FBN3: variants seen among roughly 807,000 people sequenced by gnomAD.
FBN3 encodes fibrillin-3.
Under a neutral mutation model 330.1 loss-of-function variants are expected in FBN3, and 234 were observed. That is an observed-to-expected ratio of 0.71 (90% CI 0.64 to 0.79). The LOEUF is 0.79. Among genes scored for constraint, FBN3 ranks in the 30% least tolerant of loss-of-function variants. The pLI, the probability that FBN3 is intolerant of heterozygous loss-of-function variation, is 0.00. For missense variants in FBN3, 3,606 were observed against 3,886.9 expected, an observed-to-expected ratio of 0.93 and a Z score of 1.92; for synonymous variants, 1,458 against 1,517.3, an observed-to-expected ratio of 0.96 and a Z score of 0.91.
At chr19:8,085,258 G>C (rs957842882) in intron 56 of FBN3, 105 bp downstream of exon 56, 14 of 629,170 alleles carry the variant, frequency 2.2e-5, no homozygotes, top group South Asian at 4.7e-5. Context: ...CACACACACA[G>C]TGTGGCTCAC....
intron 34 of FBN3, 121 bp downstream of exon 34, chr19:8,110,724 C>CAAGGTG: frequency 7.4e-7 from 1 of 1,354,434 alleles, no homozygotes. Context: ...CCCCCACCCC[C>CAAGGTG]CAGCAAGACT....
At chr19:8,138,062 C>T in intron 10 of FBN3, 79 bp downstream of exon 10, 7 of 1,448,278 alleles carry the variant, frequency 4.8e-6, no homozygotes, top group Non-Finnish European at 5.5e-6. Context: ...TGGACACCGT[C>T]CCCTGTTTGG....
At chr19:8,111,927 C>T in intron 31 of FBN3, 50 bp downstream of exon 31, 1 of 593,168 alleles carries the variant, frequency 1.7e-6, no homozygotes, top group Non-Finnish European at 2.6e-6. Flanking sequence ...CGCCTTGCCC[C>T]CCACCTACCT....
chr19:8,135,231 C>T (rs983659715), intron 13 of FBN3, among the ~76,000 whole-genome samples: 6 of 151,666 alleles, frequency 4.0e-5, no homozygotes, highest in Non-Finnish European at 5.9e-5. Context: ...CTCCTGCCTT[C>T]CAAAGTACTG....
intron 13 of FBN3, 25 bp downstream of exon 13, chr19:8,135,936 G>GGCACCCCCCCCCCCCCCCC: frequency 1.5e-6 from 1 of 668,778 alleles, no homozygotes; most frequent in South Asian, 1.6e-5. Flanking sequence ...GGAAGCCCCT[G>GGCACCCCCCCCCCCCCCCC]CCCACCCGCC....
At position 8,123,572 on chromosome 19, in the gene FBN3, C is replaced by G; in HGVS notation, c.2974G>C (p.Val992Leu). 2 of 1,614,182 alleles carry G rather than the reference C, an allele frequency of 1.2e-6. No homozygotes were observed. Among genetic ancestry groups the G allele is most frequent in the Non-Finnish European group, 1.7e-6 (2 of 1,180,018 alleles). ...CCGTGCGTGCAGAGGCCAGGGAACA[C>G]CTTGCATTCATTCACATCTGAAGTA... ...PFYKDVNECK[V>L]FPGLCTHGTC... Residue 992 changes from valine (V) to leucine (L), a missense_variant, in exon 24 of 64, where the codon GTG becomes CTG. Physicochemically the swap from Val to Leu is conservative, Grantham distance 32. Transcript: ENST00000600128.
rs2083133482 is a variant in FBN3 at position 8,131,009 on chromosome 19, G to A, written c.2044+226C>T. The stretch of plus-strand genomic sequence containing the variant: ...AGAAGCTGGAGAGAGGTCCGGGACA[G>A]ATTCTCCCTCAAAGCCTCCAAGGGA... On this transcript the variant is annotated intron_variant, in intron 16 of 63. Transcript: ENST00000600128. The surrounding 1 kb of genome is among the most constrained non-coding windows in gnomAD (Gnocchi z 4.5). Among the ~76,000 whole-genome samples, 1 of 152,134 alleles carries A rather than the reference G, an allele frequency of 6.6e-6. No homozygotes were observed.
At chr19:8,128,984 G>A (rs1450631776) in intron 18 of FBN3, 44 bp downstream of exon 18, 2 of 1,582,450 alleles carry the variant, frequency 1.3e-6, no homozygotes, top group East Asian at 2.2e-5. Flanking sequence ...GTATGTTGGA[G>A]CATATGTGTG....
At chr19:8,127,066 T>TTTG (rs1568434962) in intron 18 of FBN3, among the ~76,000 whole-genome samples, 6 of 148,740 alleles carry the variant, frequency 4.0e-5, no homozygotes, top group African/African-American at 1.5e-4. Flanking sequence ...TTTGTTTTTT[T>TTTG]TTTTTTTTTG....
chr19:8,134,262 A>T (rs11670084), intron 13 of FBN3, among the ~76,000 whole-genome samples: 4 of 33,874 alleles, frequency 1.2e-4, no homozygotes, highest in Non-Finnish European at 2.0e-4. Context: ...AATAAATAAA[A>T]TAAATAAATG....
At chr19:8,085,109 T>A (rs1252175438) in intron 56 of FBN3, among the ~76,000 whole-genome samples, 5 of 152,114 alleles carry the variant, frequency 3.3e-5, no homozygotes, top group African/African-American at 1.2e-4. Context: ...AGTGAGACTC[T>A]GTCTCAGAAC....
At chr19:8,125,240 T>G (rs187013038) in intron 22 of FBN3, among the ~76,000 whole-genome samples, 1 of 151,884 alleles carries the variant, frequency 6.6e-6, no homozygotes, top group African/African-American at 2.4e-5. Context: ...CAAAAATATA[T>G]ATAGATATAC....
intron 8 of FBN3, among the ~76,000 whole-genome samples, chr19:8,139,037 G>C (rs1038620136): frequency 3.3e-5 from 5 of 151,600 alleles, no homozygotes; most frequent in Non-Finnish European, 7.4e-5. Context: ...CTGGGCAACA[G>C]AGCGAGACTC....
Position 8,065,913 on chromosome 19 carries a change from T to A in FBN3, c.*6A>T. ...GACAGCTGGGGCCCACTGAGGCTCC[T>A]CCCAACTAAAGCAACTGCAGCTGCA... On this transcript the variant is annotated 3_prime_UTR_variant, in exon 64 of 64. Coordinates refer to ENST00000600128, the MANE Select transcript of FBN3 (RefSeq NM_032447.5). 6.4e-7 allele frequency: 1 copy of A among 1,559,880 alleles called. No homozygotes were observed. The highest frequency in any genetic ancestry group is 8.7e-7 in the Non-Finnish European group (1 of 1,151,052).
In FBN3 at chr19:8,137,205, C is replaced by T. The variant is rs865932498; in HGVS notation, c.1202-674G>A. Among the ~76,000 whole-genome samples the T allele has an allele frequency of 3.6e-4, 54 of 151,374 alleles. No homozygotes were observed. In the Middle Eastern group the frequency reaches 0.01, roughly 29 times the overall value. ...CAACCTGGGGTCTAGATCCCTCCAA[C>T]CTGGGGCCTAGATATCTCCAACCTG... On this transcript the variant is annotated intron_variant, in intron 10 of 63. Transcript: ENST00000600128.
intron 38 of FBN3, among the ~76,000 whole-genome samples, chr19:8,105,252 CTTT>C (rs1035480353): frequency 2.0e-5 from 3 of 149,754 alleles, no homozygotes; most frequent in Non-Finnish European, 4.4e-5. Flanking sequence ...TGTGCCCAGT[CTTT>C]TTTTTCTTTT....
intron 8 of FBN3, among the ~76,000 whole-genome samples, 196 bp downstream of exon 8, chr19:8,141,521 G>A (rs1024244328): frequency 9.9e-5 from 15 of 152,126 alleles, no homozygotes; most frequent in Non-Finnish European, 7.3e-5. Flanking sequence ...CGTAGCTCCC[G>A]ACAGTGTTGG....
intron 6 of FBN3, 146 bp from the exon 7 acceptor site, chr19:8,142,283 C>T: frequency 1.5e-6 from 1 of 676,524 alleles, no homozygotes. Context: ...TATCTTTCCT[C>T]CCCTTTCCCT....
At position 8,129,310 on chromosome 19, in the gene FBN3, G is replaced by C; in HGVS notation, c.2100C>G (p.Asn700Lys). Residue 700 changes from asparagine to lysine, a missense_variant, in exon 17 of 64, where the codon AAC becomes AAG. Transcript: ENST00000600128. The surrounding 1 kb of genome is among the most constrained non-coding windows in gnomAD (Gnocchi z 4.5). Reference sequence around the variant, plus strand: ...AGACACAGCGGTAGCTGCCCCGAAGGTTCTCGCACACGCCATTGGCACAAA... The same window carrying C: ...AGACACAGCGGTAGCTGCCCCGAAGCTTCTCGCACACGCCATTGGCACAAA... Reference protein sequence around the residue: ...PEVCANGVCENLRGSYRCVCN... With the variant: ...PEVCANGVCEKLRGSYRCVCN... 1 of 1,614,168 alleles carries C rather than the reference G, an allele frequency of 6.2e-7. No homozygotes were observed. Among genetic ancestry groups the C allele is most frequent in the Non-Finnish European group, 8.5e-7 (1 of 1,180,026 alleles).
Sources: allele counts gnomAD v4.1 joint callset (sites outside exome capture counted in the v4.1 genomes callset), GRCh38; gene constraint gnomAD v4.1.1; non-coding constraint Gnocchi (gnomAD v3.1); transcripts MANE v1.5; gene names NCBI Gene and HGNC (gene_info 2026-07-23, HGNC 2026-07-21).